The following GABRA2 variants were observed in gnomAD, a reference collection of about 807,000 sequenced individuals.
GABRA2 encodes the protein gamma-aminobutyric acid type A receptor subunit alpha2.
Under a neutral mutation model 48.7 loss-of-function variants are expected in GABRA2, and 16 were observed. That is an observed-to-expected ratio of 0.33 (90% CI 0.22 to 0.50). GABRA2 has a LOEUF of 0.50. GABRA2 is among the 20% of genes least tolerant of loss of function. GABRA2 has a pLI of 0.98. For synonymous variants in GABRA2, 185 were observed against 184.5 expected (o/e 1.00, Z -0.02); for missense variants, 275 against 535.6 (o/e 0.51, Z 4.80).
At chr4:46,343,712 T>C (rs971037646) in intron 3 of GABRA2, among the ~76,000 whole-genome samples, 1 of 151,986 alleles carries the variant, frequency 6.6e-6, no homozygotes, top group Non-Finnish European at 1.5e-5. Context: ...ACACAGATAA[T>C]AACTATACCT....
intron 3 of GABRA2, among the ~76,000 whole-genome samples, chr4:46,340,673 A>AT (rs1466384045): frequency 6.6e-6 from 1 of 151,888 alleles, no homozygotes; most frequent in African/African-American, 2.4e-5. Context: ...TTAGTGTATA[A>AT]TTTTTTACAT....
chr4:46,316,370 A>G (rs1486928131), intron 4 of GABRA2, among the ~76,000 whole-genome samples: 1 of 152,034 alleles, frequency 6.6e-6, no homozygotes, highest in Non-Finnish European at 1.5e-5. Flanking sequence ...TGCCACTGCA[A>G]TGTGAAAGCA....
At chr4:46,314,792 T>A (rs203655) in intron 4 of GABRA2, among the ~76,000 whole-genome samples, 59,879 of 151,982 alleles carry the variant, frequency 0.39, 12,247 homozygotes, top group East Asian at 0.52. Context: ...TCCAGCTGCA[T>A]CCATGTTGCT....
chr4:46,273,896 G>A (rs1001921085), intron 8 of GABRA2, among the ~76,000 whole-genome samples: 3 of 152,032 alleles, frequency 2.0e-5, no homozygotes, highest in East Asian at 1.9e-4. Flanking sequence ...GCATGTTCCC[G>A]AGTTTAAGGG....
chr4:46,310,845 TA>T (rs1195356948), intron 5 of GABRA2, among the ~76,000 whole-genome samples: 1 of 152,200 alleles, frequency 6.6e-6, no homozygotes, highest in Non-Finnish European at 1.5e-5. Flanking sequence ...TTACGAATGT[TA>T]AATATATATT....
At chr4:46,361,277 C>A (rs989437114) in intron 3 of GABRA2, among the ~76,000 whole-genome samples, 2 of 151,964 alleles carry the variant, frequency 1.3e-5, no homozygotes, top group South Asian at 4.2e-4. Context: ...GGCCGAGGGT[C>A]CCCCTGCTGT....
chr4:46,341,548 A>T (rs1424756673), intron 3 of GABRA2, among the ~76,000 whole-genome samples: 1 of 152,026 alleles, frequency 6.6e-6, no homozygotes, highest in Admixed American at 6.6e-5. Context: ...TGATTTTCTT[A>T]AATGCTTTGA....
intron 8 of GABRA2, among the ~76,000 whole-genome samples, chr4:46,278,810 G>A (rs956272376): frequency 6.6e-6 from 1 of 151,952 alleles, no homozygotes; most frequent in Non-Finnish European, 1.5e-5. Context: ...AAAAAGGAAT[G>A]TTCCAGAGTA....
intron 3 of GABRA2, among the ~76,000 whole-genome samples, chr4:46,378,923 C>T (rs1263005464): frequency 6.6e-6 from 1 of 152,036 alleles, no homozygotes; most frequent in East Asian, 1.9e-4. Flanking sequence ...GGAGAAAGTG[C>T]TTCTATCTAA....
intron 6 of GABRA2, among the ~76,000 whole-genome samples, chr4:46,308,930 T>G (rs1445398413): frequency 6.6e-6 from 1 of 152,156 alleles, no homozygotes; most frequent in Admixed American, 6.6e-5. Context: ...TTCTTTGGTA[T>G]CAAGGCTTTT....
intron 8 of GABRA2, among the ~76,000 whole-genome samples, chr4:46,281,435 G>A (rs888148530): frequency 6.6e-6 from 1 of 152,164 alleles, no homozygotes; most frequent in African/African-American, 2.4e-5. Flanking sequence ...GAAAAGATAG[G>A]GACCAGCAAA....
chr4:46,295,196 G>A (rs1724410968), intron 8 of GABRA2, among the ~76,000 whole-genome samples: 1 of 152,198 alleles, frequency 6.6e-6, no homozygotes, highest in Admixed American at 6.5e-5. Flanking sequence ...GGCAGAGAAG[G>A]GAGATCTTTC....
chr4:46,289,529 C>CA (rs1161629376), intron 8 of GABRA2, among the ~76,000 whole-genome samples: 1 of 152,092 alleles, frequency 6.6e-6, no homozygotes, highest in Non-Finnish European at 1.5e-5. Flanking sequence ...GGAGGAACAA[C>CA]ACACACTGGG....
At chr4:46,264,692 G>A (rs1016340606) in intron 8 of GABRA2, among the ~76,000 whole-genome samples, 8 of 151,550 alleles carry the variant, frequency 5.3e-5, no homozygotes, top group Non-Finnish European at 8.8e-5. Flanking sequence ...TTGGTAATAC[G>A]GCCTTATAAA....
At chr4:46,372,681 C>A (rs1248401315) in intron 3 of GABRA2, among the ~76,000 whole-genome samples, 2 of 152,094 alleles carry the variant, frequency 1.3e-5, no homozygotes, top group Non-Finnish European at 2.9e-5. Context: ...CTTCTCTTAC[C>A]TATATTTGAT....
intron 4 of GABRA2, among the ~76,000 whole-genome samples, chr4:46,321,061 C>A (rs1729362948): frequency 6.6e-6 from 1 of 151,806 alleles, no homozygotes. Flanking sequence ...AAAGGAGATC[C>A]CATCATTTGC....
chr4:46,307,883 TC>T (rs971250242), intron 6 of GABRA2, among the ~76,000 whole-genome samples: 5 of 152,130 alleles, frequency 3.3e-5, no homozygotes, highest in Non-Finnish European at 7.4e-5. Context: ...TTAAAGCCTC[TC>T]CCGAAGAGGG....
chr4:46,296,796 T>C (rs902028059), intron 8 of GABRA2, among the ~76,000 whole-genome samples: 1 of 152,196 alleles, frequency 6.6e-6, no homozygotes, highest in African/African-American at 2.4e-5. Flanking sequence ...TTAATTGTCA[T>C]GACCATTTCC....
chr4:46,312,462 A>G, intron 5 of GABRA2, 34 bp downstream of exon 5: 1 of 1,423,494 alleles, frequency 7.0e-7, no homozygotes, highest in Non-Finnish European at 9.9e-7. Flanking sequence ...ATTTCTCAGT[A>G]TATAAATACA....
Sources: gnomAD v4.1 joint callset for allele counts (sites outside exome capture counted in the v4.1 genomes callset) on GRCh38, gnomAD v4.1.1 for gene constraint, MANE v1.5 for transcripts, NCBI Gene and HGNC (gene_info 2026-07-23, HGNC 2026-07-21) for gene names.